ARHGAP20: variants seen among roughly 807,000 people sequenced by gnomAD.
ARHGAP20 encodes Rho GTPase activating protein 20.
Under a neutral mutation model 73.7 loss-of-function variants are expected in ARHGAP20, and 34 were observed. The observed-to-expected ratio is 0.46, with a 90% CI of 0.35 to 0.61. The LOEUF is 0.61. Ranked by LOEUF, ARHGAP20 falls within the 20% of genes least tolerant of loss-of-function variation. The probability of loss-of-function intolerance (pLI) is 0.00; values close to 1 mark genes in which losing one functional copy is unlikely to be tolerated. For missense variants in ARHGAP20, 1,314 were observed against 1,420.9 expected, an observed-to-expected ratio of 0.92 and a Z score of 1.21; for synonymous variants, 523 against 518.2, an observed-to-expected ratio of 1.01 and a Z score of -0.13.
intron 2 of ARHGAP20, among the ~76,000 whole-genome samples, chr11:110,689,828 A>C (rs1410173492): frequency 1.3e-5 from 2 of 152,164 alleles, no homozygotes; most frequent in African/African-American, 4.8e-5. Flanking sequence ...CCAACATACA[A>C]AATCCCCCAC....
chr11:110,623,305 T>C (rs908042639), intron 4 of ARHGAP20, among the ~76,000 whole-genome samples: 1 of 152,242 alleles, frequency 6.6e-6, no homozygotes, highest in Non-Finnish European at 1.5e-5. Context: ...GTGCATGTGA[T>C]GGACACTAAC....
intron 2 of ARHGAP20, 94 bp downstream of exon 2, chr11:110,690,453 C>T (rs45502499): frequency 0.059 from 73,344 of 1,247,814 alleles, 2,426 homozygotes; most frequent in Middle Eastern, 0.095. Flanking sequence ...CAAACAACCT[C>T]TACACATTAA....
At chr11:110,676,317 C>T (rs1160859125) in intron 2 of ARHGAP20, among the ~76,000 whole-genome samples, 1 of 152,076 alleles carries the variant, frequency 6.6e-6, no homozygotes, top group Non-Finnish European at 1.5e-5. Flanking sequence ...AAAGACATAC[C>T]TGAGACTAGG....
intron 3 of ARHGAP20, among the ~76,000 whole-genome samples, chr11:110,630,177 A>G (rs890730897): frequency 2.6e-5 from 4 of 152,108 alleles, no homozygotes; most frequent in Admixed American, 6.5e-5. Context: ...TCATCCTCCA[A>G]TATCTGAATG....
At chr11:110,608,311 C>T (rs1387165394) in intron 8 of ARHGAP20, among the ~76,000 whole-genome samples, 1 of 151,982 alleles carries the variant, frequency 6.6e-6, no homozygotes, top group Non-Finnish European at 1.5e-5. Context: ...TTCTGTTAAC[C>T]ACACTGAATG....
At chr11:110,623,960 T>C (rs1948681950) in intron 4 of ARHGAP20, among the ~76,000 whole-genome samples, 1 of 152,190 alleles carries the variant, frequency 6.6e-6, no homozygotes, top group Non-Finnish European at 1.5e-5. Context: ...CAAAAGCCCA[T>C]TGGGAGAAAT....
chr11:110,712,299 C>A lies in ARHGAP20; in HGVS notation c.-68G>T. 2 of 1,225,676 alleles carry A rather than the reference C, an allele frequency of 1.6e-6. No homozygotes were observed. The highest frequency in any genetic ancestry group is 2.1e-6 in the Non-Finnish European group (2 of 964,402). 75.9% of individuals were successfully genotyped at this position (1,225,676 alleles called of 1,614,324 possible). The stretch of plus-strand genomic sequence containing the variant: ...ACGATCATGTCCGCGGGCTGCCGGC[C>A]GGAGGGGCGAGGACGCGCGGGCGGA... On this transcript the variant is annotated 5_prime_UTR_variant, in exon 1 of 15. Transcript: ENST00000683387.
At position 110,628,871 on chromosome 11, in the gene ARHGAP20, C is replaced by A. The variant is rs183667592; in HGVS notation, c.353+1757G>T. 4.0e-3 allele frequency among the ~76,000 whole-genome samples: 608 copies of A among 152,040 alleles called. 6 individuals are homozygous for A. Among genetic ancestry groups the A allele is most frequent in the African/African-American group, 0.014 (569 of 41,494 alleles). ...ATTTTGCCAATATATCTAAAAACAG[C>A]AATATTCTAGTGGAAAAGAAACTGT... On this transcript the variant is annotated intron_variant, in intron 3 of 14. Transcript: ENST00000683387.
Position 110,579,162 on chromosome 11 carries a change from C to G in ARHGAP20, c.*208G>C. On this transcript the variant is annotated 3_prime_UTR_variant, in exon 15 of 15. Transcript: ENST00000683387. ...ATCCCAACCTTTAATAAGAAAAAGC[C>G]TCCCAAACACTTAGGTGACAAAATT... is the stretch of plus-strand genomic sequence containing the variant. 1 of 1,238,408 alleles carries G rather than the reference C, an allele frequency of 8.1e-7. No homozygotes were observed. The highest frequency in any genetic ancestry group is 1.0e-6 in the Non-Finnish European group (1 of 985,204). 76.7% of individuals were successfully genotyped at this position (1,238,408 alleles called of 1,614,324 possible). A position where few individuals can be genotyped will look rare whatever the true frequency, so the allele number is the denominator to read the frequency against.
In ARHGAP20 at chr11:110,577,978, TAA is replaced by T. The variant is rs45608836; in HGVS notation, c.*1390_*1391del. 0.024 allele frequency: 23,397 copies of T among 985,404 alleles called. 295 individuals carry two copies. Among genetic ancestry groups the T allele is most frequent in the Non-Finnish European group, 0.027 (22,001 of 829,872 alleles). 61.0% of individuals were successfully genotyped at this position (985,404 alleles called of 1,614,324 possible). A position where few individuals can be genotyped will look rare whatever the true frequency, so the allele number is the denominator to read the frequency against. ...GAGAAAGGTCCATCTGATGGTGAACTAAAGAGTTTAAATAAATGGGCTCAGAG... is the reference window on the plus strand; with the variant it reads ...GAGAAAGGTCCATCTGATGGTGAACTAGAGTTTAAATAAATGGGCTCAGAG... On this transcript the variant is annotated 3_prime_UTR_variant, in exon 15 of 15. Coordinates refer to ENST00000683387, the MANE Select transcript of ARHGAP20 (RefSeq NM_001384657.1).
At chr11:110,636,300 T>G (rs1231157821) in intron 2 of ARHGAP20, among the ~76,000 whole-genome samples, 3 of 152,134 alleles carry the variant, frequency 2.0e-5, no homozygotes, top group Admixed American at 6.6e-5. Context: ...GGTCATGGTT[T>G]GAGGATCCCT....
intron 9 of ARHGAP20, 63 bp downstream of exon 9, chr11:110,606,498 G>C: frequency 6.6e-7 from 1 of 1,511,894 alleles, no homozygotes; most frequent in Non-Finnish European, 8.9e-7. Flanking sequence ...CGGGAGGTTT[G>C]AGTCTTTGCC....
intron 2 of ARHGAP20, among the ~76,000 whole-genome samples, chr11:110,646,282 C>T (rs78749583): frequency 6.6e-6 from 1 of 152,272 alleles, no homozygotes; most frequent in East Asian, 1.9e-4. Context: ...GGTTGATACA[C>T]AAATGAGCTG....
chr11:110,584,918 AAT>A (rs1005785515), intron 12 of ARHGAP20, among the ~76,000 whole-genome samples: 9 of 148,926 alleles, frequency 6.0e-5, no homozygotes, highest in East Asian at 3.9e-4. Flanking sequence ...TATATATATG[AAT>A]ATATATGTGA....
At chr11:110,661,454 T>C (rs1949610203) in intron 2 of ARHGAP20, among the ~76,000 whole-genome samples, 1 of 152,118 alleles carries the variant, frequency 6.6e-6, no homozygotes, top group Non-Finnish European at 1.5e-5. Flanking sequence ...AAATATTATC[T>C]GGGTACAAAT....
At chr11:110,642,799 T>C (rs1453608923) in intron 2 of ARHGAP20, among the ~76,000 whole-genome samples, 1 of 152,150 alleles carries the variant, frequency 6.6e-6, no homozygotes, top group East Asian at 1.9e-4. Context: ...GCTGGCTTTG[T>C]AGAATGACTT....
At chr11:110,619,272 G>GTATGCAGTGATAGAGTA (rs1277817175) in intron 4 of ARHGAP20, among the ~76,000 whole-genome samples, 1 of 85,820 alleles carries the variant, frequency 1.2e-5, no homozygotes, top group African/African-American at 5.0e-5. Context: ...GTGATAGAGT[G>GTATGCAGTGATAGAGTA]TATGCAGTGA....
chr11:110,701,271 T>C (rs1372521460), intron 1 of ARHGAP20, among the ~76,000 whole-genome samples: 26 of 150,730 alleles, frequency 1.7e-4, no homozygotes, highest in Admixed American at 9.9e-4. Context: ...TTTTAATGAT[T>C]GCCATTCTAA....
rs1947336301 is a variant in ARHGAP20, at chr11:110,578,094, A to AATC, written c.*1273_*1275dup. The AATC allele has an allele frequency of 1.0e-6, 1 of 985,346 alleles. No individual in the cohort carries two copies. Among genetic ancestry groups the AATC allele is most frequent in the African/African-American group, 1.7e-5 (1 of 57,258 alleles). The allele number at this position is 985,346 out of a possible 1,614,324, so 61.0% of individuals were successfully genotyped here. A position where few individuals can be genotyped will look rare whatever the true frequency, so the allele number is the denominator to read the frequency against. On this transcript the variant is annotated 3_prime_UTR_variant, in exon 15 of 15. Coordinates refer to ENST00000683387, the MANE Select transcript of ARHGAP20 (RefSeq NM_001384657.1). Reference sequence around the variant, plus strand: ...TGCATACTAGTTGGCAAGGCCTGATAATCTATTCCTAGGTGACGAGATGTA... The same window carrying AATC: ...TGCATACTAGTTGGCAAGGCCTGATAATCATCTATTCCTAGGTGACGAGATGTA...
Sources: allele counts gnomAD v4.1 joint callset (sites outside exome capture counted in the v4.1 genomes callset), GRCh38; gene constraint gnomAD v4.1.1; transcripts MANE v1.5; gene names NCBI Gene and HGNC (gene_info 2026-07-23, HGNC 2026-07-21).